The following USP37 variants were observed in gnomAD, a reference collection of about 807,000 sequenced individuals.
The protein encoded by USP37 is ubiquitin specific peptidase 37, also known as ubiquitin carboxyl-terminal hydrolase 37.
Under a neutral mutation model 124.0 loss-of-function variants are expected in USP37, and 27 were observed. The ratio of observed to expected loss-of-function variants is 0.22; its 90% CI spans 0.16 to 0.30. The LOEUF (loss-of-function observed/expected upper bound fraction) is 0.30. USP37 is among the 10% of genes least tolerant of loss of function. The probability of loss-of-function intolerance (pLI) is 1.00; values close to 1 mark genes in which losing one functional copy is unlikely to be tolerated. For synonymous variants in USP37, 365 were observed against 388.0 expected (o/e 0.94, Z 0.70); for missense variants, 889 against 1,140.4 (o/e 0.78, Z 3.17).
At chr2:218,472,956 C>T (rs1690775788) in intron 20 of USP37, among the ~76,000 whole-genome samples, 1 of 152,098 alleles carries the variant, frequency 6.6e-6, no homozygotes, top group South Asian at 2.1e-4. Context: ...ATTTGGTTGT[C>T]AGGTCTCTTT....
chr2:218,476,483 G>C (rs1330501507), intron 19 of USP37, among the ~76,000 whole-genome samples: 1 of 152,120 alleles, frequency 6.6e-6, no homozygotes, highest in Non-Finnish European at 1.5e-5. Flanking sequence ...GCTGAGGTAG[G>C]AGGATTGTTT....
At chr2:218,547,287 C>T (rs1245100296) in intron 6 of USP37, among the ~76,000 whole-genome samples, 196 bp from the exon 7 acceptor site, 2 of 152,092 alleles carry the variant, frequency 1.3e-5, no homozygotes, top group Non-Finnish European at 2.9e-5. Flanking sequence ...TACAACTGTA[C>T]CACTGCAATC....
chr2:218,457,585 T>TTAGG (rs1689763099), intron 23 of USP37, among the ~76,000 whole-genome samples: 1 of 152,122 alleles, frequency 6.6e-6, no homozygotes. Flanking sequence ...ACGTTAAGAG[T>TTAGG]TAGGCATTGG....
In USP37 at chr2:218,516,208, T is replaced by C. The variant is rs559474150; in HGVS notation, c.864-6068A>G. Among the ~76,000 whole-genome samples, 6 of 152,298 alleles carry C rather than the reference T, an allele frequency of 3.9e-5. No individual in the cohort carries two copies. The East Asian group carries it at 1.2e-3, about 29-fold the overall frequency. ...CTGGGTATATACCCAAAGGATTATA[T>C]ATCATTCTACTATAAAGACACATGC... On this transcript the variant is annotated intron_variant, in intron 10 of 25. Transcript: ENST00000258399.
intron 20 of USP37, among the ~76,000 whole-genome samples, chr2:218,470,954 TGAGG>T (rs1690648305): frequency 6.6e-6 from 1 of 152,104 alleles, no homozygotes; most frequent in African/African-American, 2.4e-5. Flanking sequence ...TTGGCATATT[TGAGG>T]GAGGGAGAGA....
intron 5 of USP37, among the ~76,000 whole-genome samples, chr2:218,553,270 G>A (rs1208341992): frequency 2.0e-5 from 3 of 152,046 alleles, no homozygotes; most frequent in Admixed American, 6.6e-5. Flanking sequence ...CTCCTAGTTT[G>A]TTGAGTGTTT....
In USP37 at chr2:218,547,001, C is replaced by T. The variant is rs764278972; in HGVS notation, c.520G>A (p.Val174Ile). ...GNPGRGSIKT[V>I]AGSGIARTIP... ...GTCCGAGCTATTCCACTTCCTGCTA[C>T]AGTCTTAATCGATCCTCTACCCGGA... Residue 174 changes from valine (V) to isoleucine (I), a missense_variant, in exon 7 of 26, where the codon GTA becomes ATA. By Grantham distance (29) the Val-to-Ile change is conservative. Coordinates refer to ENST00000258399, the MANE Select transcript of USP37 (RefSeq NM_020935.3). 7.4e-6 allele frequency: 12 copies of T among 1,613,822 alleles called. No individual in the cohort carries two copies. The South Asian group carries it at 1.2e-4, about 16-fold the overall frequency.
chr2:218,460,342 AAG>A (rs1457887266), intron 22 of USP37, among the ~76,000 whole-genome samples: 1 of 152,148 alleles, frequency 6.6e-6, no homozygotes, highest in African/African-American at 2.4e-5. Flanking sequence ...TTATCATTCT[AAG>A]AAAACATAAA....
At chr2:218,518,911 C>A (rs1396044488) in intron 10 of USP37, among the ~76,000 whole-genome samples, 2 of 152,148 alleles carry the variant, frequency 1.3e-5, no homozygotes, top group Non-Finnish European at 2.9e-5. Flanking sequence ...TCCTTCTAAG[C>A]CAATGACATT....
At chr2:218,560,702 C>T (rs1376395891) in intron 3 of USP37, 118 bp downstream of exon 3, 1 of 152,134 alleles carries the variant, frequency 6.6e-6, no homozygotes, top group Non-Finnish European at 1.5e-5. Flanking sequence ...CATTGCCAGA[C>T]CATCTAACTT....
At chr2:218,567,525 C>T (rs1274753092) in intron 1 of USP37, among the ~76,000 whole-genome samples, 1 of 152,184 alleles carries the variant, frequency 6.6e-6, no homozygotes, top group African/African-American at 2.4e-5. Flanking sequence ...TTGACATTCC[C>T]TCTCAGGTAT....
At chr2:218,510,977 A>G (rs1226212566) in intron 10 of USP37, among the ~76,000 whole-genome samples, 2 of 152,138 alleles carry the variant, frequency 1.3e-5, no homozygotes, top group Admixed American at 6.5e-5. Context: ...CCTGGGTGAC[A>G]AAGTGAGAAG....
At chr2:218,550,442 A>AC (rs139305235) in intron 5 of USP37, among the ~76,000 whole-genome samples, 100,012 of 151,288 alleles carry the variant, frequency 0.66, 33,462 homozygotes, top group East Asian at 0.89. Context: ...AATATTTTAT[A>AC]ATTAATTTGG....
chr2:218,469,910 TC>T (rs1488136230), intron 20 of USP37, among the ~76,000 whole-genome samples: 1 of 140,372 alleles, frequency 7.1e-6, no homozygotes, highest in Non-Finnish European at 1.5e-5. Flanking sequence ...AACCTCTGCC[TC>T]CCGGGTTCTT....
rs868134487 is a variant in USP37 at position 218,454,634 on chromosome 2, G to C, written c.*296C>G. 3 of 278,210 alleles carry C rather than the reference G, an allele frequency of 1.1e-5. No individual in the cohort carries two copies. The highest frequency in any genetic ancestry group is 2.0e-5 in the Non-Finnish European group (3 of 151,138). 17.2% of individuals were successfully genotyped at this position (278,210 alleles called of 1,614,324 possible). ...ATCCCGTGTGTGTGTGTGTGTGTCT[G>C]TGTGTGTGTATACACACATACACAG... On this transcript the variant is annotated 3_prime_UTR_variant, in exon 26 of 26. Coordinates refer to ENST00000258399, the MANE Select transcript of USP37 (RefSeq NM_020935.3).
chr2:218,474,603 C>T, intron 20 of USP37, 27 bp downstream of exon 20: 1 of 1,605,884 alleles, frequency 6.2e-7, no homozygotes, highest in African/African-American at 1.3e-5. Context: ...TTTTGTTTCA[C>T]AGAGGTTTAA....
intron 10 of USP37, chr2:218,528,802 T>TG (rs1691130736): frequency 2.4e-4 from 3 of 12,408 alleles, no homozygotes; most frequent in Non-Finnish European, 4.1e-4. Context: ...CCAATAAATC[T>TG]GAAAAAAAAA....
intron 13 of USP37, among the ~76,000 whole-genome samples, chr2:218,496,394 G>C (rs1355858391): frequency 6.6e-6 from 1 of 151,902 alleles, no homozygotes; most frequent in Non-Finnish European, 1.5e-5. Flanking sequence ...GAAAGTCAAT[G>C]ACATATGTGA....
intron 8 of USP37, among the ~76,000 whole-genome samples, chr2:218,539,786 C>T (rs567998525): frequency 1.3e-5 from 2 of 151,870 alleles, no homozygotes; most frequent in African/African-American, 2.4e-5. Flanking sequence ...CCGAGGTAGG[C>T]GGATCACGAT....
Sources: allele counts gnomAD v4.1 joint callset (sites outside exome capture counted in the v4.1 genomes callset), GRCh38; gene constraint gnomAD v4.1.1; transcripts MANE v1.5; gene names NCBI Gene and HGNC (gene_info 2026-07-23, HGNC 2026-07-21).